Variants in AXIN1 observed in about 807,000 individuals in gnomAD.
AXIN1 encodes axin 1.
AXIN1 carries 30 observed loss-of-function variants against 76.4 expected under a neutral mutation model. The ratio of observed to expected loss-of-function variants is 0.39; its 90% CI spans 0.29 to 0.53. AXIN1 has a LOEUF of 0.53. Among genes scored for constraint, AXIN1 ranks in the 20% least tolerant of loss-of-function variants. The pLI, the probability that AXIN1 is intolerant of heterozygous loss-of-function variation, is 0.66. For synonymous variants in AXIN1, 545 were observed against 501.4 expected, an observed-to-expected ratio of 1.09 and a Z score of -1.16; for missense variants, 1,140 against 1,198.8, an observed-to-expected ratio of 0.95 and a Z score of 0.72.
intron 2 of AXIN1, among the ~76,000 whole-genome samples, chr16:324,435 G>A (rs1336912939): frequency 1.3e-5 from 2 of 152,140 alleles, no homozygotes; most frequent in African/African-American, 2.4e-5. Flanking sequence ...ACAGGCCCGC[G>A]GTCCTCCGGG....
chr16:298,710 C>T lies in AXIN1; in HGVS notation c.1255-459G>A, dbSNP rs1385538709. ...CTTTGGGGACAGATGCGATTCTCAC[C>T]ATATTGGCCAGGCTGGTCTCGAATG... is the stretch of plus-strand genomic sequence containing the variant. On this transcript the variant is annotated intron_variant, in intron 5 of 10. Coordinates refer to ENST00000262320, the MANE Select transcript of AXIN1 (RefSeq NM_003502.4). Among the ~76,000 whole-genome samples, 12 of 151,960 alleles carry T rather than the reference C, an allele frequency of 7.9e-5. No individual in the cohort carries two copies. In the East Asian group the frequency reaches 2.3e-3, roughly 29 times the overall value.
intron 6 of AXIN1, among the ~76,000 whole-genome samples, 181 bp from the exon 7 acceptor site, chr16:297,407 C>T (rs1027328727): frequency 6.6e-6 from 1 of 152,020 alleles, no homozygotes; most frequent in Non-Finnish European, 1.5e-5. Context: ...CACCCGCTGT[C>T]CCCTGCCCGC....
intron 5 of AXIN1, among the ~76,000 whole-genome samples, chr16:299,821 A>G (rs565783365): frequency 6.7e-6 from 1 of 150,064 alleles, no homozygotes; most frequent in Non-Finnish European, 1.5e-5. Context: ...ACGCCCGGCT[A>G]ATTTTTTATA....
intron 10 of AXIN1, among the ~76,000 whole-genome samples, chr16:288,713 C>A (rs568978670): frequency 1.3e-5 from 2 of 152,252 alleles, no homozygotes; most frequent in African/African-American, 2.4e-5. Context: ...CTCTGCTCAC[C>A]GCCCAGTGCT....
chr16:329,710 G>A (rs373029617), intron 2 of AXIN1, among the ~76,000 whole-genome samples: 137 of 151,936 alleles, frequency 9.0e-4, no homozygotes, highest in African/African-American at 3.0e-3. Flanking sequence ...TGCAAGCTCC[G>A]CCTCCCAGGT....
At chr16:325,538 C>T (rs1156278866) in intron 2 of AXIN1, among the ~76,000 whole-genome samples, 3 of 152,242 alleles carry the variant, frequency 2.0e-5, no homozygotes, top group Admixed American at 2.0e-4. Flanking sequence ...AGCGCCCTCC[C>T]CACGTCTCGC....
intron 2 of AXIN1, among the ~76,000 whole-genome samples, chr16:322,168 G>C (rs894712070): frequency 6.6e-6 from 1 of 152,218 alleles, no homozygotes; most frequent in African/African-American, 2.4e-5. Flanking sequence ...CCGCAGGCGT[G>C]AGGCTGGGTG....
At chr16:295,485 A>G (rs12931961) in intron 7 of AXIN1, among the ~76,000 whole-genome samples, 57,707 of 151,540 alleles carry the variant, frequency 0.38, 11,558 homozygotes, top group African/African-American at 0.47. Flanking sequence ...GGAGGCTGAG[A>G]CTGCAGTGAA....
chr16:340,030 TTTCTTCTTC>T (rs777740106), intron 2 of AXIN1, among the ~76,000 whole-genome samples: 1 of 151,672 alleles, frequency 6.6e-6, no homozygotes, highest in Non-Finnish European at 1.5e-5. Flanking sequence ...GCCCTTTCTT[TTTCTTCTTC>T]TTCTTCTTCT....
intron 2 of AXIN1, among the ~76,000 whole-genome samples, chr16:344,344 G>A (rs1355177420): frequency 2.7e-5 from 4 of 149,692 alleles, no homozygotes; most frequent in Admixed American, 2.0e-4. Flanking sequence ...GCAGGAGAAC[G>A]GCGTGAACCT....
In AXIN1 at chr16:304,435, A is replaced by T. The variant is rs2141547328; in HGVS notation, c.1123T>A (p.Tyr375Asn). 1.2e-6 allele frequency: 2 copies of T among 1,612,672 alleles called. No individual in the cohort carries two copies. Among genetic ancestry groups the T allele is most frequent in the South Asian group, 2.2e-5 (2 of 91,086 alleles). ...ACGCGGACCTCCTTCGGCACCCGGT[A>T]CGTGCGCTGCGAGGGACAGGACTGT... ...RVPLPHIPRT[Y>N]RVPKEVRVEP... Residue 375 changes from tyrosine to asparagine, a missense_variant, in exon 5 of 11, where the codon TAC (tyrosine) becomes AAC (asparagine). By Grantham distance (143) the Tyr-to-Asn change is moderately radical. This residue lies in a region of AXIN1 where 708 missense variants were observed against 776.9 expected (regional missense o/e 0.91). Coordinates refer to ENST00000262320, the MANE Select transcript of AXIN1 (RefSeq NM_003502.4).
chr16:351,561 G>A lies in AXIN1; in HGVS notation c.-82+808C>T, dbSNP rs1037350547. 9.2e-5 allele frequency among the ~76,000 whole-genome samples: 14 copies of A among 152,000 alleles called. No individual in the cohort carries two copies. The East Asian group carries it at 2.7e-3, about 30-fold the overall frequency. On this transcript the variant is annotated intron_variant, in intron 1 of 10. Transcript: ENST00000262320. ...GGAGGCGGAGGTTGCAGTGAGCCAAGATAGCGCCACTGCACTCCAGCCTGG... is the reference window on the plus strand; with the variant it reads ...GGAGGCGGAGGTTGCAGTGAGCCAAAATAGCGCCACTGCACTCCAGCCTGG...
chr16:333,436 A>G (rs1341481692), intron 2 of AXIN1, among the ~76,000 whole-genome samples: 2 of 134,796 alleles, frequency 1.5e-5, no homozygotes, highest in South Asian at 2.2e-4. Context: ...CTCGCCTCAG[A>G]AAAAAAAAAA....
At chr16:343,695 TC>T (rs2053974060) in intron 2 of AXIN1, among the ~76,000 whole-genome samples, 2 of 143,408 alleles carry the variant, frequency 1.4e-5, no homozygotes, top group Non-Finnish European at 3.0e-5. Flanking sequence ...AGAGCGAGAC[TC>T]CATCTCAAAC....
At position 293,223 on chromosome 16, in the gene AXIN1, A is replaced by T; in HGVS notation, c.2186+265T>A. The T allele has an allele frequency of 5.6e-6, 3 of 532,690 alleles. No homozygotes were observed. In the East Asian group the frequency reaches 9.4e-5, roughly 17 times the overall value. The allele number at this position is 532,690 out of a possible 1,614,324, so 33.0% of individuals were successfully genotyped here. A position where few individuals can be genotyped will look rare whatever the true frequency, so the allele number is the denominator to read the frequency against. ...TGCAGCCTCCCTGCAGACTGGGCTC[A>T]GGTTGAGGAGGGACCCCGCCTCCAG... is the stretch of plus-strand genomic sequence containing the variant. On this transcript the variant is annotated intron_variant, in intron 8 of 10. Coordinates refer to ENST00000262320, the MANE Select transcript of AXIN1 (RefSeq NM_003502.4). The surrounding 1 kb of genome is among the most constrained non-coding windows in gnomAD (Gnocchi z 4.6).
intron 2 of AXIN1, among the ~76,000 whole-genome samples, chr16:330,889 C>A (rs1000802464): frequency 3.9e-5 from 6 of 152,204 alleles, no homozygotes; most frequent in African/African-American, 9.7e-5. Context: ...TTGGAAGTGG[C>A]AATTCCCAGC....
chr16:349,130 AAAATT>A (rs2054092650), intron 1 of AXIN1, among the ~76,000 whole-genome samples: 1 of 152,020 alleles, frequency 6.6e-6, no homozygotes, highest in Non-Finnish European at 1.5e-5. Flanking sequence ...AAAATAAAAT[AAAATT>A]AGTAAATAAA....
intron 2 of AXIN1, among the ~76,000 whole-genome samples, chr16:324,848 C>T (rs1037973284): frequency 1.3e-5 from 2 of 152,228 alleles, no homozygotes; most frequent in Non-Finnish European, 2.9e-5. Context: ...AGGCCCAGCC[C>T]CCGAGTCCCG....
chr16:296,722 AGG>A, intron 7 of AXIN1, among the ~76,000 whole-genome samples: 1 of 152,178 alleles, frequency 6.6e-6, no homozygotes, highest in African/African-American at 2.4e-5. Context: ...GGGCCTTCCC[AGG>A]TGACTTAGGT....
Sources: gnomAD v4.1 joint callset for allele counts (sites outside exome capture counted in the v4.1 genomes callset) on GRCh38, gnomAD v4.1.1 for gene constraint, gnomAD v4.1.1 regional missense constraint, Gnocchi (gnomAD v3.1) non-coding constraint, MANE v1.5 for transcripts, NCBI Gene and HGNC (gene_info 2026-07-23, HGNC 2026-07-21) for gene names.